The following PARVA variants were observed in gnomAD, a reference collection of about 807,000 sequenced individuals.
PARVA encodes parvin alpha.
In PARVA, 25 loss-of-function variants were observed where a neutral mutation model predicts 52.6. That is an observed-to-expected ratio of 0.48 (90% CI 0.35 to 0.66). The LOEUF is 0.66. Ranked by LOEUF, PARVA falls within the 30% of genes least tolerant of loss-of-function variation. The probability of loss-of-function intolerance (pLI) is 0.01; values close to 1 mark genes in which losing one functional copy is unlikely to be tolerated. For synonymous variants in PARVA, 185 were observed against 179.1 expected, an observed-to-expected ratio of 1.03 and a Z score of -0.26; for missense variants, 373 against 450.9, an observed-to-expected ratio of 0.83 and a Z score of 1.56.
intron 1 of PARVA, among the ~76,000 whole-genome samples, chr11:12,421,634 C>T (rs1486619395): frequency 1.3e-5 from 2 of 152,160 alleles, no homozygotes; most frequent in Non-Finnish European, 2.9e-5. Flanking sequence ...AGTGATGATA[C>T]CATGGGCTGT....
chr11:12,509,952 T>C (rs1941485786), intron 7 of PARVA, among the ~76,000 whole-genome samples: 1 of 152,196 alleles, frequency 6.6e-6, no homozygotes, highest in Non-Finnish European at 1.5e-5. Context: ...GAGAGGAGCA[T>C]GGCCTGGGAG....
intron 1 of PARVA, among the ~76,000 whole-genome samples, chr11:12,404,253 A>G (rs1024960256): frequency 2.6e-5 from 4 of 152,180 alleles, no homozygotes; most frequent in African/African-American, 9.7e-5. Flanking sequence ...TTAGGGTTGC[A>G]GATTATAGCA....
intron 1 of PARVA, among the ~76,000 whole-genome samples, chr11:12,383,025 C>A (rs920209949): frequency 5.9e-5 from 9 of 152,140 alleles, no homozygotes; most frequent in Non-Finnish European, 1.2e-4. Flanking sequence ...TGACTATATG[C>A]CTGTGGGACA....
Position 12,526,076 on chromosome 11 carries a change from A to C in PARVA, c.1043-1773A>C, listed in dbSNP as rs1941697257. On this transcript the variant is annotated intron_variant, in intron 12 of 12. Coordinates refer to ENST00000334956, the MANE Select transcript of PARVA (RefSeq NM_018222.5). ...AGAGACTGAGAATGGCACAGGCAGG[A>C]GCGGGCACAGGGATAAAGGAACTAA... Among the ~76,000 whole-genome samples, 3 of 152,168 alleles carry C rather than the reference A, an allele frequency of 2.0e-5. No homozygotes were observed. The South Asian group carries it at 6.2e-4, about 32-fold the overall frequency.
intron 3 of PARVA, 49 bp from the exon 4 acceptor site, chr11:12,477,798 C>T (rs1355702127): frequency 2.1e-6 from 2 of 944,124 alleles, no homozygotes; most frequent in East Asian, 2.4e-5. Context: ...AGAAAATACC[C>T]CATAACTCTT....
chr11:12,443,169 CTTTT>C (rs1180380526), intron 1 of PARVA, among the ~76,000 whole-genome samples: 9 of 78,330 alleles, frequency 1.1e-4, no homozygotes, highest in Non-Finnish European at 1.8e-4. Flanking sequence ...CGCCCCCCTT[CTTTT>C]TTTTTTTTTT....
intron 1 of PARVA, among the ~76,000 whole-genome samples, chr11:12,461,687 G>C (rs796930573): frequency 6.6e-6 from 1 of 152,202 alleles, no homozygotes; most frequent in Non-Finnish European, 1.5e-5. Context: ...GCATCACATG[G>C]TTGGCTAAAC....
intron 1 of PARVA, among the ~76,000 whole-genome samples, chr11:12,380,620 T>C (rs140769993): frequency 3.7e-4 from 56 of 150,788 alleles, no homozygotes; most frequent in African/African-American, 1.4e-3. Flanking sequence ...TAGATCACAG[T>C]GGGGACGGTG....
At chr11:12,394,109 G>A (rs1258910071) in intron 1 of PARVA, among the ~76,000 whole-genome samples, 3 of 152,174 alleles carry the variant, frequency 2.0e-5, no homozygotes, top group Admixed American at 2.0e-4. Flanking sequence ...CTATGGGATA[G>A]GGAATTATTA....
chr11:12,503,465 A>T (rs943233788), intron 5 of PARVA, among the ~76,000 whole-genome samples: 2 of 152,080 alleles, frequency 1.3e-5, no homozygotes, highest in Admixed American at 1.3e-4. Context: ...ATCTGAGCTC[A>T]GAGCTCAGCA....
rs2135041101 is a variant in PARVA, at chr11:12,477,903, C to A, written c.354C>A (p.Asp118Glu). The A allele has an allele frequency of 1.2e-6, 2 of 1,611,268 alleles. No homozygotes were observed. Among genetic ancestry groups the A allele is most frequent in the Admixed American group, 1.7e-5 (1 of 60,006 alleles). The change falls in exon 4 of 13, where the codon GAC becomes GAA. Residue 118 changes from aspartate to glutamate, a missense_variant. Transcript: ENST00000334956. ...VLVGERIIVKDLAEDLYDGQV... is the reference protein window; with the variant it reads ...VLVGERIIVKELAEDLYDGQV... ...TTGGAGAAAGAATCATTGTGAAAGA[C>A]CTAGCTGAAGATTTGTATGATGGAC...
At chr11:12,439,407 T>C (rs925238761) in intron 1 of PARVA, among the ~76,000 whole-genome samples, 10 of 152,220 alleles carry the variant, frequency 6.6e-5, no homozygotes, top group African/African-American at 2.4e-4. Context: ...GCCCGTTTGA[T>C]TCAGTCCTCC....
At chr11:12,523,090 T>C (rs571769861) in intron 12 of PARVA, among the ~76,000 whole-genome samples, 2 of 152,236 alleles carry the variant, frequency 1.3e-5, no homozygotes, top group South Asian at 4.1e-4. Context: ...TTTCTGGATG[T>C]ATGTCATATT....
chr11:12,381,054 C>T (rs759506260), intron 1 of PARVA, among the ~76,000 whole-genome samples: 13 of 152,072 alleles, frequency 8.5e-5, no homozygotes, highest in Non-Finnish European at 1.8e-4. Flanking sequence ...GAACACAGAA[C>T]GTCTTCTGAA....
chr11:12,527,311 A>T (rs61638595), intron 12 of PARVA, among the ~76,000 whole-genome samples: 7 of 86,806 alleles, frequency 8.1e-5, no homozygotes, highest in South Asian at 3.3e-4. Context: ...GGAGGGAGGG[A>T]GGGAGGAAGT....
At chr11:12,478,459 T>C in intron 4 of PARVA, 1 of 228,260 alleles carries the variant, frequency 4.4e-6, no homozygotes, top group Non-Finnish European at 8.7e-6. Flanking sequence ...AAAGGAGAAT[T>C]CAGGGGTAAT....
At position 12,534,924 on chromosome 11, in the gene PARVA, T is replaced by C. The variant is rs866148130; in HGVS notation, c.*6999T>C. Reference sequence around the variant, plus strand: ...CCCATCTTTCCTTATGTGTGTAATATTGGAGAATGTACACTCTCACTGAAC... The same window carrying C: ...CCCATCTTTCCTTATGTGTGTAATACTGGAGAATGTACACTCTCACTGAAC... On this transcript the variant is annotated 3_prime_UTR_variant, in exon 13 of 13. Coordinates refer to ENST00000334956, the MANE Select transcript of PARVA (RefSeq NM_018222.5). Among the ~76,000 whole-genome samples the C allele has an allele frequency of 8.5e-5, 13 of 152,222 alleles. No individual in the cohort carries two copies. The highest frequency in any genetic ancestry group is 7.8e-4 in the Admixed American group (12 of 15,292).
chr11:12,432,257 G>C (rs1000183545), intron 1 of PARVA, among the ~76,000 whole-genome samples: 1 of 152,022 alleles, frequency 6.6e-6, no homozygotes, highest in African/African-American at 2.4e-5. Flanking sequence ...TCCAATAAAA[G>C]GCCTATTAAA....
intron 1 of PARVA, among the ~76,000 whole-genome samples, chr11:12,390,913 A>T (rs1464512760): frequency 1.3e-5 from 2 of 152,056 alleles, no homozygotes; most frequent in African/African-American, 4.8e-5. Context: ...AGCTCTCAGG[A>T]TACAGGCAAG....
Sources: gnomAD v4.1 joint callset for allele counts (sites outside exome capture counted in the v4.1 genomes callset) on GRCh38, gnomAD v4.1.1 for gene constraint, MANE v1.5 for transcripts, NCBI Gene and HGNC (gene_info 2026-07-23, HGNC 2026-07-21) for gene names.